The following SYNE4 variants were observed in gnomAD, a reference collection of about 807,000 sequenced individuals.
SYNE4 encodes spectrin repeat containing nuclear envelope family member 4, also known as nesprin-4.
SYNE4 carries 41 observed loss-of-function variants against 46.9 expected under a neutral mutation model. That is an observed-to-expected ratio of 0.87 (90% CI 0.68 to 1.13). The LOEUF is 1.13. SYNE4 is among the 50% of genes most tolerant of loss of function. The probability of loss-of-function intolerance (pLI) is 0.00; values close to 1 mark genes in which losing one functional copy is unlikely to be tolerated. For synonymous variants in SYNE4, 221 were observed against 219.5 expected, an observed-to-expected ratio of 1.01 and a Z score of -0.06; for missense variants, 492 against 514.8, an observed-to-expected ratio of 0.96 and a Z score of 0.43.
At position 36,006,860 on chromosome 19, in the gene SYNE4, G is replaced by A; in HGVS notation, c.508C>T (p.Pro170Ser). 2 of 1,579,928 alleles carry A rather than the reference G, an allele frequency of 1.3e-6. No individual in the cohort carries two copies. The highest frequency in any genetic ancestry group is 1.7e-6 in the Non-Finnish European group (2 of 1,164,166). ...TGCTCCAGGGCTGCCCAGGCCCTGG[G>A]CTCACTCCGCTGTGCCAGCCCCTCA... is the stretch of plus-strand genomic sequence containing the variant. Reference protein sequence around the residue: ...FGEGLAQRSEPRAWAALEQIL... With the variant: ...FGEGLAQRSESRAWAALEQIL... The change falls in exon 4 of 8, where the codon CCC becomes TCC. Residue 170 changes from proline to serine, a missense_variant. Coordinates refer to ENST00000324444, the MANE Select transcript of SYNE4 (RefSeq NM_001039876.3).
intron 2 of SYNE4, 55 bp from the exon 3 acceptor site, chr19:36,007,323 T>G (rs1373288850): frequency 4.0e-6 from 6 of 1,508,098 alleles, no homozygotes; most frequent in East Asian, 2.4e-5. Context: ...ATATCACCCC[T>G]GCTCCCATCC....
intron 4 of SYNE4, 31 bp downstream of exon 4, chr19:36,006,719 G>C: frequency 6.3e-7 from 1 of 1,591,360 alleles, no homozygotes; most frequent in Non-Finnish European, 8.6e-7. Flanking sequence ...TGGGGCCTGG[G>C]TTGGGTGGGG....
chr19:36,005,236 T>A (rs201065180), intron 6 of SYNE4, 97 bp downstream of exon 6: 23 of 1,269,354 alleles, frequency 1.8e-5, no homozygotes, highest in South Asian at 1.2e-4. Context: ...TTTTTTTTTT[T>A]AATAGCATTC....
At chr19:36,007,341 T>G in intron 2 of SYNE4, 73 bp from the exon 3 acceptor site, 1 of 1,470,740 alleles carries the variant, frequency 6.8e-7, no homozygotes, top group Non-Finnish European at 9.0e-7. Context: ...TCCCCACCCC[T>G]CTTCTGTAAG....
chr19:36,005,508 T>A (rs751044156), intron 5 of SYNE4, 71 bp from the exon 6 acceptor site: 23 of 1,416,386 alleles, frequency 1.6e-5, no homozygotes, highest in Non-Finnish European at 2.2e-5. Flanking sequence ...GAGATGAGAT[T>A]CTGGGGGAGC....
chr19:36,005,528 T>C, intron 5 of SYNE4, 91 bp from the exon 6 acceptor site: 1 of 1,198,796 alleles, frequency 8.3e-7, no homozygotes. Context: ...CAGAGAGATC[T>C]CACAGGACAG....
At position 36,005,348 on chromosome 19, in the gene SYNE4, C is replaced by G. The variant is rs1976811889; in HGVS notation, c.957G>C (p.Leu319=). 6.2e-7 allele frequency: 1 copy of G among 1,613,908 alleles called. No individual in the cohort carries two copies. The highest frequency in any genetic ancestry group is 1.3e-5 in the African/African-American group (1 of 74,862). The stretch of plus-strand genomic sequence containing the variant: ...ACTGGCTCACCTGAGGCTTCCGGAG[C>G]AGGGAGTGTCTTTGGTGACGTGCTA... ...KRLARHQRHS[L]LRKPQDKKRQ... Residue 319 remains leucine, a synonymous_variant, in exon 6 of 8, where the codon CTG becomes CTC. Transcript: ENST00000324444.
rs1976743766 is a variant in SYNE4 at position 36,003,506 on chromosome 19, G to A, written c.1046C>T (p.Ala349Val). The change falls in exon 8 of 8, where the codon GCA (alanine) becomes GTA (valine). Residue 349 changes from alanine (A) to valine (V), a missense_variant. By Grantham distance (64) the Ala-to-Val change is moderately conservative. Coordinates refer to ENST00000324444, the MANE Select transcript of SYNE4 (RefSeq NM_001039876.3). ...LEGNPGAPDP[A>V]SRQPLTFLLI... The stretch of plus-strand genomic sequence containing the variant: ...GAGGAAGGTCAGAGGCTGCCTGGAT[G>A]CAGGATCGGGGGCCCTGTGAAGGGA... 2 of 1,600,494 alleles carry A rather than the reference G, an allele frequency of 1.2e-6. No homozygotes were observed. Among genetic ancestry groups the A allele is most frequent in the African/African-American group, 2.7e-5 (2 of 74,576 alleles).
rs1405743317 is a variant in SYNE4 at position 36,006,561 on chromosome 19, A to G, written c.729T>C (p.Thr243=). ...CCGGATCCCACTCCAACTCTGTGGA[A>G]GTGGGGAGGCTACTGGGTGCCCAGG... ...WGPWAPSSLP[T]STELEWDPAG... Residue 243 remains threonine (T), a synonymous_variant, in exon 5 of 8, where the codon ACT becomes ACC. Transcript: ENST00000324444. 1.2e-6 allele frequency: 2 copies of G among 1,607,176 alleles called. No homozygotes were observed. Among genetic ancestry groups the G allele is most frequent in the Admixed American group, 3.4e-5 (2 of 58,938 alleles).
intron 6 of SYNE4, among the ~76,000 whole-genome samples, chr19:36,004,866 CTTTTTTTTTTTTTTT>C (rs59700541): frequency 2.2e-5 from 2 of 89,908 alleles, no homozygotes; most frequent in Non-Finnish European, 4.3e-5. Flanking sequence ...TTCTTTCTTT[CTTTTTTTTTTTTTTT>C]TTTTTTTTTT....
intron 2 of SYNE4, among the ~76,000 whole-genome samples, chr19:36,007,734 A>G (rs1968417280): frequency 6.6e-6 from 1 of 151,832 alleles, no homozygotes; most frequent in African/African-American, 2.4e-5. Flanking sequence ...TTAATAAAAA[A>G]GAAATATGGC....
chr19:36,008,769 GA>G lies in SYNE4; in HGVS notation c.-89del, dbSNP rs1968485717. 3 of 1,475,404 alleles carry G rather than the reference GA, an allele frequency of 2.0e-6. No individual in the cohort carries two copies. Among genetic ancestry groups the G allele is most frequent in the African/African-American group, 1.4e-5 (1 of 71,572 alleles). The allele number at this position is 1,475,404 out of a possible 1,614,324, so 91.4% of individuals were successfully genotyped here. A position where few individuals can be genotyped will look rare whatever the true frequency, so the allele number is the denominator to read the frequency against. On this transcript the variant is annotated 5_prime_UTR_variant, in exon 1 of 8. Coordinates refer to ENST00000324444, the MANE Select transcript of SYNE4 (RefSeq NM_001039876.3). Reference sequence around the variant, plus strand: ...AGGGTGTCCCAGAGCTCCTCCGCTGGAGTCACCCGGGCCTGAGGCTGCAGGA... The same window carrying G: ...AGGGTGTCCCAGAGCTCCTCCGCTGGGTCACCCGGGCCTGAGGCTGCAGGA...
At chr19:36,008,094 C>T (rs1968439549) in intron 2 of SYNE4, 123 bp downstream of exon 2, 1 of 1,302,694 alleles carries the variant, frequency 7.7e-7, no homozygotes, top group Non-Finnish European at 1.0e-6. Flanking sequence ...CAGAAGGTCC[C>T]TCCCCCTACA....
Position 36,006,364 on chromosome 19 carries a change from T to G in SYNE4, c.867+59A>C, listed in dbSNP as rs142845089. 149 of 1,519,144 alleles carry G rather than the reference T, an allele frequency of 9.8e-5. No individual in the cohort carries two copies. The African/African-American group carries it at 1.8e-3, about 19-fold the overall frequency. 94.1% of individuals were successfully genotyped at this position (1,519,144 alleles called of 1,614,324 possible). A position where few individuals can be genotyped will look rare whatever the true frequency, so the allele number is the denominator to read the frequency against. ...GGAAGGGCAGGATCTTGCTAGAAGGTGCGCAGAGATGTCCCCAGGGTGCCT... is the reference window on the plus strand; with the variant it reads ...GGAAGGGCAGGATCTTGCTAGAAGGGGCGCAGAGATGTCCCCAGGGTGCCT... On this transcript the variant is annotated intron_variant, in intron 5 of 7. Transcript: ENST00000324444.
intron 6 of SYNE4, 39 bp from the exon 7 acceptor site, chr19:36,003,710 A>G: frequency 6.3e-7 from 1 of 1,595,802 alleles, no homozygotes; most frequent in Non-Finnish European, 8.5e-7. Context: ...ATGGATAGAA[A>G]TGATGCTTTA....
In SYNE4 at chr19:36,008,476, G is replaced by C. The variant is rs1006420994; in HGVS notation, c.128+78C>G. The C allele has an allele frequency of 3.1e-5, 50 of 1,606,756 alleles. No homozygotes were observed. In the African/African-American group the frequency reaches 6.3e-4, roughly 20 times the overall value. On this transcript the variant is annotated intron_variant, in intron 1 of 7. Coordinates refer to ENST00000324444, the MANE Select transcript of SYNE4 (RefSeq NM_001039876.3). The stretch of plus-strand genomic sequence containing the variant: ...TATGTCCCCAGGCGATCACAGCCAT[G>C]GCACCTCCTACCCTCACATGGCCCC...
In SYNE4 at chr19:36,005,355, T is replaced by C. The variant is rs1185030047; in HGVS notation, c.950A>G (p.His317Arg). 6.2e-7 allele frequency: 1 copy of C among 1,613,716 alleles called. No homozygotes were observed. The highest frequency in any genetic ancestry group is 2.2e-5 in the East Asian group (1 of 44,880). ...CACCTGAGGCTTCCGGAGCAGGGAGTGTCTTTGGTGACGTGCTAAGCGTTT... is the reference window on the plus strand; with the variant it reads ...CACCTGAGGCTTCCGGAGCAGGGAGCGTCTTTGGTGACGTGCTAAGCGTTT... ...HQKRLARHQRHSLLRKPQDKK... is the reference protein window; with the variant it reads ...HQKRLARHQRRSLLRKPQDKK... Residue 317 changes from histidine to arginine, a missense_variant, in exon 6 of 8, where the codon CAC becomes CGC. By Grantham distance (29) the His-to-Arg change is conservative (BLOSUM62 0). Coordinates refer to ENST00000324444, the MANE Select transcript of SYNE4 (RefSeq NM_001039876.3).
intron 6 of SYNE4, among the ~76,000 whole-genome samples, chr19:36,004,108 A>C (rs547378305): frequency 2.5e-4 from 38 of 152,312 alleles, no homozygotes; most frequent in African/African-American, 8.2e-4. Flanking sequence ...TCCTGGGCTC[A>C]GGTGATCCTC....
chr19:36,004,462 G>C (rs1368750142), intron 6 of SYNE4, among the ~76,000 whole-genome samples: 1 of 152,184 alleles, frequency 6.6e-6, no homozygotes, highest in East Asian at 1.9e-4. Context: ...TGGATGTCTG[G>C]TTGTGTCTGT....
Sources: allele counts gnomAD v4.1 joint callset (sites outside exome capture counted in the v4.1 genomes callset), GRCh38; gene constraint gnomAD v4.1.1; transcripts MANE v1.5; gene names NCBI Gene and HGNC (gene_info 2026-07-23, HGNC 2026-07-21).